Variants in DISC1 observed in about 807,000 individuals in gnomAD.
DISC1 encodes DISC1 scaffold protein, also known as disrupted in schizophrenia 1 protein.
A neutral mutation model predicts 84.5 loss-of-function variants in DISC1; 57 were observed. That is an observed-to-expected ratio of 0.67 (90% CI 0.55 to 0.84). The LOEUF is 0.84. Ranked by LOEUF, DISC1 falls within the 40% of genes least tolerant of loss-of-function variation. The pLI is 0.00. For missense variants in DISC1, 1,000 were observed against 1,057.8 expected, an observed-to-expected ratio of 0.95 and a Z score of 0.76; for synonymous variants, 411 against 415.2, an observed-to-expected ratio of 0.99 and a Z score of 0.12.
chr1:231,740,835 A>G (rs2073167145), intron 3 of DISC1, among the ~76,000 whole-genome samples: 1 of 152,210 alleles, frequency 6.6e-6, no homozygotes, highest in Non-Finnish European at 1.5e-5. Context: ...TTTTGGCTGC[A>G]TTTTGACTAT....
chr1:232,023,928 C>T (rs751421051), intron 11 of DISC1, among the ~76,000 whole-genome samples: 6 of 151,822 alleles, frequency 4.0e-5, no homozygotes, highest in East Asian at 3.9e-4. Context: ...TGTGTGATGA[C>T]GGTGTTGCTC....
At chr1:232,029,607 A>G (rs1669806667) in intron 12 of DISC1, among the ~76,000 whole-genome samples, 1 of 152,260 alleles carries the variant, frequency 6.6e-6, no homozygotes, top group Non-Finnish European at 1.5e-5. Context: ...GATTCCATTA[A>G]GCATGCTGCC....
intron 8 of DISC1, among the ~76,000 whole-genome samples, chr1:231,817,607 T>C (rs142624280): frequency 5.9e-5 from 9 of 152,326 alleles, no homozygotes; most frequent in Non-Finnish European, 1.2e-4. Flanking sequence ...CTTGCACATA[T>C]TTAAAGAAAG....
At chr1:231,686,223 G>A (rs1314857089) in intron 1 of DISC1, among the ~76,000 whole-genome samples, 5 of 152,318 alleles carry the variant, frequency 3.3e-5, no homozygotes, top group South Asian at 2.1e-4. Flanking sequence ...TCCACTAGGC[G>A]GTACCCCAGT....
At chr1:232,002,437 A>C (rs1192397947) in intron 10 of DISC1, among the ~76,000 whole-genome samples, 3 of 152,188 alleles carry the variant, frequency 2.0e-5, no homozygotes, top group Non-Finnish European at 4.4e-5. Context: ...TGTTCATAGC[A>C]TCTTTTATTC....
intron 6 of DISC1, among the ~76,000 whole-genome samples, chr1:231,790,414 T>G (rs1047093621): frequency 1.3e-5 from 2 of 152,144 alleles, no homozygotes; most frequent in Admixed American, 6.5e-5. Flanking sequence ...CAGGGTTGGT[T>G]TCTTCTGAGG....
intron 1 of DISC1, among the ~76,000 whole-genome samples, chr1:231,670,316 A>G (rs1453607167): frequency 6.6e-6 from 1 of 152,194 alleles, no homozygotes; most frequent in Non-Finnish European, 1.5e-5. Context: ...TCCATGACAC[A>G]AGTTTACCTA....
chr1:232,020,884 C>G (rs12062781), intron 11 of DISC1, among the ~76,000 whole-genome samples: 7,591 of 152,230 alleles, frequency 0.05, 277 homozygotes, highest in East Asian at 0.16. Context: ...ACCAGGGGAT[C>G]TCTGCAGAAT....
intron 7 of DISC1, among the ~76,000 whole-genome samples, chr1:231,798,152 C>T (rs576688170): frequency 1.4e-5 from 2 of 138,974 alleles, no homozygotes; most frequent in African/African-American, 5.1e-5. Flanking sequence ...CACACCCCTA[C>T]CTGATATTCT....
At chr1:231,969,199 T>TTTTG (rs1661567666) in intron 10 of DISC1, among the ~76,000 whole-genome samples, 1 of 148,772 alleles carries the variant, frequency 6.7e-6, no homozygotes, top group Non-Finnish European at 1.5e-5. Flanking sequence ...TTTTTTTTTT[T>TTTTG]TTTTTTTTTT....
At chr1:232,014,745 G>A (rs821645) in intron 11 of DISC1, among the ~76,000 whole-genome samples, 52,318 of 151,988 alleles carry the variant, frequency 0.34, 9,261 homozygotes, top group East Asian at 0.42. Flanking sequence ...ATCATTAACA[G>A]TTTCCACTTT....
intron 6 of DISC1, among the ~76,000 whole-genome samples, chr1:231,773,075 T>C (rs896780276): frequency 1.3e-5 from 2 of 152,198 alleles, no homozygotes; most frequent in African/African-American, 4.8e-5. Context: ...ACTCAGAAAG[T>C]TTCCCTGATG....
At chr1:231,819,192 C>A in intron 9 of DISC1, 1 of 908,324 alleles carries the variant, frequency 1.1e-6, no homozygotes, top group Non-Finnish European at 1.3e-6. Context: ...AAATAAATGT[C>A]ATTTACTAAA....
At chr1:231,926,415 T>C (rs2090361131) in intron 9 of DISC1, among the ~76,000 whole-genome samples, 1 of 152,226 alleles carries the variant, frequency 6.6e-6, no homozygotes, top group African/African-American at 2.4e-5. Context: ...GATCAAGTAT[T>C]GCAACGTCAG....
At chr1:231,966,189 A>T (rs1661092289) in intron 10 of DISC1, among the ~76,000 whole-genome samples, 1 of 152,142 alleles carries the variant, frequency 6.6e-6, no homozygotes, top group Admixed American at 6.5e-5. Flanking sequence ...AGTCAAGGCA[A>T]CCTGAGAAGA....
At chr1:231,864,581 T>C (rs946964553) in intron 9 of DISC1, among the ~76,000 whole-genome samples, 3 of 152,088 alleles carry the variant, frequency 2.0e-5, no homozygotes, top group Non-Finnish European at 4.4e-5. Context: ...GAGAATGACA[T>C]GAACCCGGGA....
At chr1:231,926,760 A>T (rs918355228) in intron 9 of DISC1, among the ~76,000 whole-genome samples, 4 of 152,220 alleles carry the variant, frequency 2.6e-5, no homozygotes, top group African/African-American at 7.2e-5. Flanking sequence ...TTTAAAGGCA[A>T]GGGCAGAGAT....
chr1:232,019,874 C>T (rs1486645014), intron 11 of DISC1, among the ~76,000 whole-genome samples: 1 of 152,134 alleles, frequency 6.6e-6, no homozygotes, highest in Non-Finnish European at 1.5e-5. Flanking sequence ...TCATTGTCAC[C>T]TCCACTCATT....
chr1:231,808,772 G>A (rs2125692545), intron 8 of DISC1, among the ~76,000 whole-genome samples: 1 of 152,318 alleles, frequency 6.6e-6, no homozygotes, highest in East Asian at 1.9e-4. Context: ...CATTGCTCTG[G>A]CGCTGGGAGC....
Sources: gnomAD v4.1 joint callset for allele counts (sites outside exome capture counted in the v4.1 genomes callset) on GRCh38, gnomAD v4.1.1 for gene constraint, MANE v1.5 for transcripts, NCBI Gene and HGNC (gene_info 2026-07-23, HGNC 2026-07-21) for gene names.